Variants in ARSG observed in about 807,000 individuals in gnomAD.
ARSG encodes the protein arylsulfatase G, also known as ASG.
A neutral mutation model predicts 50.5 loss-of-function variants in ARSG; 37 were observed. That is an observed-to-expected ratio of 0.73 (90% CI 0.56 to 0.96). The LOEUF (loss-of-function observed/expected upper bound fraction) is 0.96. Among genes scored for constraint, ARSG ranks in the 50% least tolerant of loss-of-function variants. The pLI is 0.00. For missense variants in ARSG, 629 were observed against 675.3 expected (o/e 0.93, Z 0.76); for synonymous variants, 225 against 254.6 (o/e 0.88, Z 1.11).
chr17:68,355,033 G>T (rs899451034), intron 5 of ARSG, among the ~76,000 whole-genome samples: 2 of 152,162 alleles, frequency 1.3e-5, no homozygotes, highest in Admixed American at 6.6e-5. Flanking sequence ...TTGCCTGAGA[G>T]AACTCCATTC....
chr17:68,297,449 C>T (rs1407678244), intron 1 of ARSG, among the ~76,000 whole-genome samples: 1 of 152,144 alleles, frequency 6.6e-6, no homozygotes, highest in Non-Finnish European at 1.5e-5. Context: ...GTCTTTATTT[C>T]CTCTTTGCCT....
intron 10 of ARSG, chr17:68,401,131 C>G (rs2081451663): frequency 2.0e-6 from 1 of 506,042 alleles, no homozygotes; most frequent in African/African-American, 1.9e-5. Flanking sequence ...TCAAACAATC[C>G]TCTCACCTCA....
intron 9 of ARSG, among the ~76,000 whole-genome samples, chr17:68,390,941 T>TA (rs1555789321): frequency 6.6e-6 from 1 of 150,834 alleles, no homozygotes; most frequent in Non-Finnish European, 1.5e-5. Context: ...TTTTTTTTTT[T>TA]AATGAAGGAA....
In ARSG at chr17:68,420,172, T is replaced by C; in HGVS notation, c.1304-17T>C. ...CTGTCAGGGTTAGCGAGGCATTTGT[T>C]GTCATTCCCTCTCTAGGTGGAGCCA... is the stretch of plus-strand genomic sequence containing the variant. On this transcript the variant is annotated splice_polypyrimidine_tract_variant and intron_variant, in intron 11 of 11. Coordinates refer to ENST00000621439, the MANE Select transcript of ARSG (RefSeq NM_001267727.2). The C allele has an allele frequency of 6.8e-6, 11 of 1,612,274 alleles. No individual in the cohort carries two copies. The highest frequency in any genetic ancestry group is 9.3e-6 in the Non-Finnish European group (11 of 1,179,128).
At position 68,375,926 on chromosome 17, in the gene ARSG, G is replaced by T. The variant is rs145737678; in HGVS notation, c.982+5402G>T. ...ATGTGGAACCATGGGAAGATTTTAA[G>T]AGTGGGAGGGACATTATTTAATGTT... On this transcript the variant is annotated intron_variant, in intron 8 of 11. Coordinates refer to ENST00000621439, the MANE Select transcript of ARSG (RefSeq NM_001267727.2). Among the ~76,000 whole-genome samples, 60 of 152,236 alleles carry T rather than the reference G, an allele frequency of 3.9e-4. 2 individuals carry two copies. The East Asian group carries it at 0.011, about 29-fold the overall frequency.
At chr17:68,306,082 A>G (rs2032104115) in intron 1 of ARSG, among the ~76,000 whole-genome samples, 1 of 151,208 alleles carries the variant, frequency 6.6e-6, no homozygotes, top group South Asian at 2.1e-4. Context: ...AGCTCGCCGC[A>G]ATCTCTGCCT....
At chr17:68,451,047 T>C in the ARSG span, 5 of 1,102,514 alleles carry the variant, frequency 4.5e-6, no homozygotes, top group Non-Finnish European at 6.3e-6. Flanking sequence ...GCATTGACAG[T>C]GATCCACCAT....
At chr17:68,355,514 A>ACGG (rs1352592580) in intron 5 of ARSG, among the ~76,000 whole-genome samples, 1 of 151,964 alleles carries the variant, frequency 6.6e-6, no homozygotes, top group Non-Finnish European at 1.5e-5. Context: ...GTGCAGCACC[A>ACGG]CGGCTAATTT....
intron 2 of ARSG, among the ~76,000 whole-genome samples, chr17:68,314,125 A>G (rs1230629102): frequency 2.0e-5 from 3 of 152,114 alleles, no homozygotes; most frequent in Non-Finnish European, 4.4e-5. Context: ...GCCACTTCCT[A>G]TCTGTGGCCC....
At chr17:68,285,300 T>C (rs782180652) in intron 1 of ARSG, among the ~76,000 whole-genome samples, 3 of 152,034 alleles carry the variant, frequency 2.0e-5, no homozygotes, top group African/African-American at 7.2e-5. Flanking sequence ...ACAAAACATA[T>C]AGTGATAAAA....
At chr17:68,438,402 A>G in the ARSG span, among the ~76,000 whole-genome samples, 1 of 152,218 alleles carries the variant, frequency 6.6e-6, no homozygotes, top group Non-Finnish European at 1.5e-5. Context: ...CTAGGCAGGC[A>G]GAAGGGATTC....
chr17:68,317,440 A>G (rs929841072), intron 2 of ARSG, among the ~76,000 whole-genome samples: 5 of 151,368 alleles, frequency 3.3e-5, no homozygotes, highest in Admixed American at 1.3e-4. Flanking sequence ...GATTGACTAC[A>G]TGAAAAATAA....
At position 68,354,022 on chromosome 17, in the gene ARSG, CTTTT is replaced by C. The variant is rs1239565009; in HGVS notation, c.566+2350_566+2353del. On this transcript the variant is annotated intron_variant, in intron 5 of 11. Transcript: ENST00000621439. ...TGGCCTTCTTTTTCTTCTTCTTGTT[CTTTT>C]TTTTTTTTTTTTTATTTCAATCCTG... Among the ~76,000 whole-genome samples, 3 of 93,824 alleles carry C rather than the reference CTTTT, an allele frequency of 3.2e-5. No individual in the cohort carries two copies. The East Asian group carries it at 8.4e-4, about 26-fold the overall frequency. 61.6% of individuals were successfully genotyped at this position (93,824 alleles called of 152,430 possible). A position where few individuals can be genotyped will look rare whatever the true frequency, so the allele number is the denominator to read the frequency against.
chr17:68,320,431 T>C (rs1242209680), intron 2 of ARSG, among the ~76,000 whole-genome samples: 4 of 152,076 alleles, frequency 2.6e-5, no homozygotes, highest in Non-Finnish European at 4.4e-5. Flanking sequence ...GAGAGTGTTG[T>C]AGGCAGAAGG....
intron 6 of ARSG, among the ~76,000 whole-genome samples, chr17:68,368,011 A>G (rs779739506): frequency 6.6e-5 from 10 of 152,162 alleles, no homozygotes; most frequent in Non-Finnish European, 1.0e-4. Context: ...CGGAAGTTGC[A>G]GTGTGACAAT....
chr17:68,322,564 C>T (rs1555770930), intron 2 of ARSG, among the ~76,000 whole-genome samples: 3 of 151,958 alleles, frequency 2.0e-5, no homozygotes, highest in East Asian at 1.9e-4. Context: ...TTGCAGTGCG[C>T]CAAGATTGTG....
chr17:68,429,602 T>C, the ARSG span, among the ~76,000 whole-genome samples: 1 of 151,974 alleles, frequency 6.6e-6, no homozygotes, highest in Non-Finnish European at 1.5e-5. Flanking sequence ...TTCTTTTTCT[T>C]TTTTGAGATG....
rs556737899 is a variant in ARSG, at chr17:68,380,074, T to C, written c.983-4990T>C. ...CCTCTCCTCTTCCTCCTCCTCTTCT[T>C]CCTTAGCCTACTCAACGTGAAGACA... On this transcript the variant is annotated intron_variant, in intron 8 of 11. Coordinates refer to ENST00000621439, the MANE Select transcript of ARSG (RefSeq NM_001267727.2). 2.0e-5 allele frequency among the ~76,000 whole-genome samples: 3 copies of C among 152,228 alleles called. 1 individual carries two copies. The highest frequency in any genetic ancestry group is 2.9e-5 in the Non-Finnish European group (2 of 68,000).
chr17:68,427,382 G>T, downstream of ARSG: 1 of 708,924 alleles, frequency 1.4e-6, no homozygotes, highest in Non-Finnish European at 2.3e-6. Context: ...TTTGAGGCAG[G>T]GTCTTGCTCT....
Sources: allele counts gnomAD v4.1 joint callset (sites outside exome capture counted in the v4.1 genomes callset), GRCh38; gene constraint gnomAD v4.1.1; transcripts MANE v1.5; gene names NCBI Gene and HGNC (gene_info 2026-07-23, HGNC 2026-07-21).